DEPDC7: variants seen among roughly 807,000 people sequenced by gnomAD.
DEPDC7 encodes DEP domain containing 7.
Under a neutral mutation model 56.6 loss-of-function variants are expected in DEPDC7, and 41 were observed. The ratio of observed to expected loss-of-function variants is 0.72; its 90% CI spans 0.56 to 0.94. DEPDC7 has a LOEUF of 0.94. Ranked by LOEUF, DEPDC7 falls within the 40% of genes least tolerant of loss-of-function variation. DEPDC7 has a pLI of 0.00. For synonymous variants in DEPDC7, 185 were observed against 208.8 expected (o/e 0.89, Z 0.98); for missense variants, 522 against 596.3 (o/e 0.88, Z 1.30).
intron 1 of DEPDC7, among the ~76,000 whole-genome samples, chr11:33,022,221 C>T (rs183162699): frequency 6.6e-6 from 1 of 152,238 alleles, no homozygotes; most frequent in Non-Finnish European, 1.5e-5. Flanking sequence ...GATATCCTGC[C>T]TTATTTTATG....
At chr11:33,016,312 G>T in intron 1 of DEPDC7, 1 of 1,392,120 alleles carries the variant, frequency 7.2e-7, no homozygotes, top group Non-Finnish European at 9.3e-7. Context: ...TGGTCTGTGC[G>T]CCCGCTAACG....
intron 1 of DEPDC7, among the ~76,000 whole-genome samples, chr11:33,016,746 G>A (rs1853467407): frequency 1.3e-5 from 2 of 152,186 alleles, no homozygotes; most frequent in Admixed American, 1.3e-4. Flanking sequence ...TTCTTTAAAT[G>A]TTCAAACACA....
chr11:33,032,689 A>G lies in DEPDC7; in HGVS notation c.1159A>G (p.Lys387Glu). Reference protein sequence around the residue: ...QKESDNRMVVKRIFSKAIVDN... With the variant: ...QKESDNRMVVERIFSKAIVDN... ...ATAGAGTGACAACCGAATGGTTGTG[A>G]AAAGGATATTCTCAAAAGCTATTGT... The change falls in exon 7 of 9, where the codon AAA becomes GAA. Residue 387 changes from lysine to glutamate, a missense_variant. Lys to Glu is a moderately conservative substitution (Grantham distance 56). Coordinates refer to ENST00000241051, the MANE Select transcript of DEPDC7 (RefSeq NM_001077242.2). 1 of 1,596,232 alleles carries G rather than the reference A, an allele frequency of 6.3e-7. No individual in the cohort carries two copies. Among genetic ancestry groups the G allele is most frequent in the Non-Finnish European group, 8.5e-7 (1 of 1,170,864 alleles).
chr11:33,033,396 T>C lies in DEPDC7; in HGVS notation c.1477T>C (p.Leu493=). ...SKLSAKEKKK[L]LGQFYKCHPD... is the part of the protein sequence containing the mutation. ...ACTTTCTGCCAAAGAGAAGAAAAAA[T>C]TGCTAGGTCAATTCTATAAGTGTCA... The change falls in exon 9 of 9, where the codon TTG becomes CTG. Residue 493 remains leucine, a synonymous_variant. Coordinates refer to ENST00000241051, the MANE Select transcript of DEPDC7 (RefSeq NM_001077242.2). 1 of 1,610,534 alleles carries C rather than the reference T, an allele frequency of 6.2e-7. No individual in the cohort carries two copies. Among genetic ancestry groups the C allele is most frequent in the Non-Finnish European group, 8.5e-7 (1 of 1,179,016 alleles).
intron 2 of DEPDC7, among the ~76,000 whole-genome samples, chr11:33,027,207 T>C (rs933063334): frequency 3.3e-5 from 5 of 152,200 alleles, no homozygotes; most frequent in Admixed American, 1.3e-4. Context: ...CAAAAGAATA[T>C]ACTACCGGGA....
chr11:33,016,261 G>C (rs1334187246), intron 1 of DEPDC7: 1 of 1,359,542 alleles, frequency 7.4e-7, no homozygotes, highest in African/African-American at 1.5e-5. Flanking sequence ...GCACAGCCCA[G>C]CTTTTTTCTT....
intron 1 of DEPDC7, among the ~76,000 whole-genome samples, chr11:33,018,245 CT>C (rs1408955714): frequency 6.6e-6 from 1 of 152,208 alleles, no homozygotes; most frequent in Non-Finnish European, 1.5e-5. Context: ...TCAGTCACAA[CT>C]GTCAAGTTTT....
At chr11:33,025,563 G>T in intron 1 of DEPDC7, 96 bp from the exon 2 acceptor site, 1 of 1,197,732 alleles carries the variant, frequency 8.3e-7, no homozygotes, top group Non-Finnish European at 1.2e-6. Context: ...CAATAACTTT[G>T]GAAATTACCA....
intron 1 of DEPDC7, among the ~76,000 whole-genome samples, chr11:33,020,334 G>A (rs1204036173): frequency 2.6e-5 from 4 of 152,072 alleles, no homozygotes; most frequent in Non-Finnish European, 1.5e-5. Context: ...GTTTTTTATG[G>A]TAGAGTTCAA....
chr11:33,023,829 A>G (rs1431428723), intron 1 of DEPDC7, among the ~76,000 whole-genome samples: 2 of 152,256 alleles, frequency 1.3e-5, no homozygotes, highest in Non-Finnish European at 2.9e-5. Flanking sequence ...AAAAAGTAGG[A>G]AGATAATTTC....
intron 4 of DEPDC7, 72 bp downstream of exon 4, chr11:33,028,864 GTTCTA>G (rs754582622): frequency 5.9e-6 from 7 of 1,182,068 alleles, no homozygotes; most frequent in Non-Finnish European, 8.1e-6. Context: ...AAGGTAATCT[GTTCTA>G]TTCTTTTTTC....
chr11:33,027,819 C>T lies in DEPDC7; in HGVS notation c.592+6C>T. On this transcript the variant is annotated splice_donor_region_variant and intron_variant, in intron 3 of 8. Coordinates refer to ENST00000241051, the MANE Select transcript of DEPDC7 (RefSeq NM_001077242.2). Reference sequence around the variant, plus strand: ...TGCAACCTTGTCTCCACAAGGTAAGCTAAGGATGAAGCAAAGTAAGAAGTA... The same window carrying T: ...TGCAACCTTGTCTCCACAAGGTAAGTTAAGGATGAAGCAAAGTAAGAAGTA... 2 of 1,536,680 alleles carry T rather than the reference C, an allele frequency of 1.3e-6. No homozygotes were observed. Among genetic ancestry groups the T allele is most frequent in the Non-Finnish European group, 8.7e-7 (1 of 1,150,000 alleles).
At chr11:33,029,212 A>G (rs1853608399) in intron 4 of DEPDC7, among the ~76,000 whole-genome samples, 1 of 151,484 alleles carries the variant, frequency 6.6e-6, no homozygotes, top group African/African-American at 2.4e-5. Context: ...AAGAAATACA[A>G]TAAGGCCGGG....
In DEPDC7 at chr11:33,031,385, G is replaced by A. The variant is rs1256797386; in HGVS notation, c.790G>A (p.Glu264Lys). 27 of 1,613,684 alleles carry A rather than the reference G, an allele frequency of 1.7e-5. No individual in the cohort carries two copies. The highest frequency in any genetic ancestry group is 2.2e-5 in the Non-Finnish European group (26 of 1,179,718). ...TTCCCCTCTCCCCTATAGGGAAGATGAGTGGCTCTCGGCAGCAATTGACTG... is the reference window on the plus strand; with the variant it reads ...TTCCCCTCTCCCCTATAGGGAAGATAAGTGGCTCTCGGCAGCAATTGACTG... ...LKAYSDSQED[E>K]WLSAAIDCLE... Residue 264 changes from glutamate to lysine, a missense_variant, in exon 5 of 9, where the codon GAG becomes AAG. By Grantham distance (56) the Glu-to-Lys change is moderately conservative. Coordinates refer to ENST00000241051, the MANE Select transcript of DEPDC7 (RefSeq NM_001077242.2).
chr11:33,032,315 GT>G lies in DEPDC7; in HGVS notation c.995-14del. 6.4e-7 allele frequency: 1 copy of G among 1,551,148 alleles called. No individual in the cohort carries two copies. Among genetic ancestry groups the G allele is most frequent in the Non-Finnish European group, 8.6e-7 (1 of 1,160,620 alleles). On this transcript the variant is annotated intron_variant, in intron 5 of 8. Transcript: ENST00000241051. Reference sequence around the variant, plus strand: ...AGTCATATTTGGTCAATTAAAAGCAGTTTTTTTCTTTTGGCTAAAGTGAATG... The same window carrying G: ...AGTCATATTTGGTCAATTAAAAGCAGTTTTTTCTTTTGGCTAAAGTGAATG...
intron 1 of DEPDC7, among the ~76,000 whole-genome samples, chr11:33,019,819 A>T (rs577159918): frequency 6.6e-6 from 1 of 152,162 alleles, no homozygotes; most frequent in Non-Finnish European, 1.5e-5. Context: ...GAAATCGGGC[A>T]CTAGCTCACC....
intron 4 of DEPDC7, among the ~76,000 whole-genome samples, chr11:33,029,345 A>C (rs1853609964): frequency 6.6e-6 from 1 of 151,878 alleles, no homozygotes; most frequent in Non-Finnish European, 1.5e-5. Flanking sequence ...TAAAAATACA[A>C]AAATTAGCCA....
At chr11:33,016,958 A>G (rs1330505015) in intron 1 of DEPDC7, among the ~76,000 whole-genome samples, 1 of 152,176 alleles carries the variant, frequency 6.6e-6, no homozygotes, top group Non-Finnish European at 1.5e-5. Flanking sequence ...AAAGCCTTTC[A>G]TTTGTAAAAA....
At chr11:33,019,253 C>G (rs1339276197) in intron 1 of DEPDC7, among the ~76,000 whole-genome samples, 1 of 152,192 alleles carries the variant, frequency 6.6e-6, no homozygotes, top group African/African-American at 2.4e-5. Flanking sequence ...TAGCATCCCT[C>G]TACCCACTGG....
Sources: allele counts gnomAD v4.1 joint callset (sites outside exome capture counted in the v4.1 genomes callset), GRCh38; gene constraint gnomAD v4.1.1; transcripts MANE v1.5; gene names NCBI Gene and HGNC (gene_info 2026-07-23, HGNC 2026-07-21).